ARHGAP32: variants seen among roughly 807,000 people sequenced by gnomAD.
ARHGAP32 encodes rho GTPase-activating protein 32.
A neutral mutation model predicts 186.5 loss-of-function variants in ARHGAP32; 51 were observed. The ratio of observed to expected loss-of-function variants is 0.27; its 90% CI spans 0.22 to 0.35. ARHGAP32 has a LOEUF of 0.35. Among genes scored for constraint, ARHGAP32 ranks in the 10% least tolerant of loss-of-function variants. The pLI is 1.00. For synonymous variants in ARHGAP32, 950 were observed against 964.3 expected, an observed-to-expected ratio of 0.99 and a Z score of 0.27; for missense variants, 2,186 against 2,623.5, an observed-to-expected ratio of 0.83 and a Z score of 3.64.
At chr11:129,017,374 G>C (rs1166399602) in intron 11 of ARHGAP32, among the ~76,000 whole-genome samples, 7 of 150,778 alleles carry the variant, frequency 4.6e-5, no homozygotes, top group African/African-American at 1.2e-4. Flanking sequence ...TTTGAACCTG[G>C]AGGCGGAGGC....
chr11:129,108,356 G>C (rs1356504310), intron 5 of ARHGAP32, among the ~76,000 whole-genome samples: 2 of 152,106 alleles, frequency 1.3e-5, no homozygotes, highest in African/African-American at 4.8e-5. Flanking sequence ...AGCTATACTA[G>C]TATCAGACAA....
At position 128,969,041 on chromosome 11, in the gene ARHGAP32, C is replaced by T. The variant is rs112106627; in HGVS notation, c.6172G>A (p.Gly2058Ser). 2.0e-3 allele frequency: 3,225 copies of T among 1,612,246 alleles called. 8 individuals carry two copies. Among genetic ancestry groups the T allele is most frequent in the Non-Finnish European group, 2.6e-3 (3,015 of 1,178,766 alleles). The stretch of plus-strand genomic sequence containing the variant: ...CCAGGGGGCACATACGTCCCCATGC[C>T]GCCCCCTCCAAAGACTCCTCGCTGG... ...QHQRGVFGGGGMGTYVPPGFP... is the reference protein window; with the variant it reads ...QHQRGVFGGGSMGTYVPPGFP... Residue 2058 changes from glycine to serine, a missense_variant, in exon 23 of 23, where the codon GGC becomes AGC. By Grantham distance (56) the Gly-to-Ser change is moderately conservative (BLOSUM62 0). Around this residue, in one of 5 missense-constraint regions of ARHGAP32, gnomAD observed 1,502 missense variants for 1,570.0 expected, o/e 0.96. Transcript: ENST00000682385. The surrounding 1 kb of genome is among the most constrained non-coding windows in gnomAD (Gnocchi z 4.8).
chr11:129,048,776 C>T (rs1939918567), intron 10 of ARHGAP32, among the ~76,000 whole-genome samples: 1 of 151,994 alleles, frequency 6.6e-6, no homozygotes, highest in Non-Finnish European at 1.5e-5. Flanking sequence ...TCAAATAAGA[C>T]AAACTAGATT....
intron 1 of ARHGAP32, among the ~76,000 whole-genome samples, chr11:129,231,005 G>C (rs1036941287): frequency 6.6e-6 from 1 of 151,960 alleles, no homozygotes; most frequent in African/African-American, 2.4e-5. Context: ...CATGGTGGTG[G>C]GTGCCTGTAA....
In ARHGAP32 at chr11:128,975,014, G is replaced by C; in HGVS notation, c.2195-12C>G. 6.3e-7 allele frequency: 1 copy of C among 1,588,284 alleles called. No homozygotes were observed. Among genetic ancestry groups the C allele is most frequent in the Non-Finnish European group, 8.6e-7 (1 of 1,168,220 alleles). Reference sequence around the variant, plus strand: ...GAGCTTAGAATCACCTGGAAAAAATGAATAACAGTGTCAAAGTAAGAACAT... The same window carrying C: ...GAGCTTAGAATCACCTGGAAAAAATCAATAACAGTGTCAAAGTAAGAACAT... On this transcript the variant is annotated splice_polypyrimidine_tract_variant and intron_variant, in intron 20 of 22. Coordinates refer to ENST00000682385, the MANE Select transcript of ARHGAP32 (RefSeq NM_001378024.1).
chr11:129,068,758 C>T (rs1940779112), intron 6 of ARHGAP32, among the ~76,000 whole-genome samples: 1 of 151,934 alleles, frequency 6.6e-6, no homozygotes, highest in Non-Finnish European at 1.5e-5. Context: ...TATGTATTGA[C>T]TTCTAGAAGA....
intron 6 of ARHGAP32, among the ~76,000 whole-genome samples, chr11:129,091,397 T>A (rs1183180566): frequency 1.3e-5 from 2 of 152,042 alleles, no homozygotes; most frequent in East Asian, 3.9e-4. Flanking sequence ...ATAAAAACTT[T>A]TAAGGGCAGG....
intron 6 of ARHGAP32, among the ~76,000 whole-genome samples, chr11:129,075,102 G>T (rs1940996103): frequency 6.6e-6 from 1 of 151,958 alleles, no homozygotes; most frequent in Non-Finnish European, 1.5e-5. Flanking sequence ...ACAAAAATAG[G>T]AACGAAGAAC....
intron 10 of ARHGAP32, among the ~76,000 whole-genome samples, chr11:129,043,922 A>G (rs1939704809): frequency 6.6e-6 from 1 of 152,170 alleles, no homozygotes; most frequent in African/African-American, 2.4e-5. Flanking sequence ...TGAAATTAAC[A>G]TATCAGTTTT....
At chr11:129,246,619 G>A (rs188769300) in intron 1 of ARHGAP32, among the ~76,000 whole-genome samples, 7 of 152,194 alleles carry the variant, frequency 4.6e-5, no homozygotes, top group South Asian at 4.2e-4. Context: ...TAACCTTTAC[G>A]CGACAATCAG....
chr11:128,979,466 C>T lies in ARHGAP32; in HGVS notation c.1977-551G>A, dbSNP rs544580468. On this transcript the variant is annotated intron_variant, in intron 18 of 22. Coordinates refer to ENST00000682385, the MANE Select transcript of ARHGAP32 (RefSeq NM_001378024.1). ...TTATGACACTAAGAAGTTCAAATAA[C>T]TTCTTTAACATTATAAAACTATTAA... Among the ~76,000 whole-genome samples, 8 of 152,312 alleles carry T rather than the reference C, an allele frequency of 5.3e-5. No individual in the cohort carries two copies. In the South Asian group the frequency reaches 1.7e-3, roughly 32 times the overall value.
At chr11:128,992,855 T>C (rs979268117) in intron 12 of ARHGAP32, among the ~76,000 whole-genome samples, 1 of 152,164 alleles carries the variant, frequency 6.6e-6, no homozygotes. Context: ...TCAAAAAAAG[T>C]ACTATGTGGG....
At chr11:128,987,794 G>A (rs1945919981) in intron 13 of ARHGAP32, among the ~76,000 whole-genome samples, 1 of 151,966 alleles carries the variant, frequency 6.6e-6, no homozygotes, top group Non-Finnish European at 1.5e-5. Flanking sequence ...ACACTATAAA[G>A]AGGCAAAATA....
At chr11:129,160,410 G>C (rs762064898) in intron 2 of ARHGAP32, among the ~76,000 whole-genome samples, 15 of 152,104 alleles carry the variant, frequency 9.9e-5, no homozygotes, top group Non-Finnish European at 2.2e-4. Context: ...AAAGTCTCAG[G>C]ATACAAAATT....
chr11:129,158,347 T>G (rs940208728), intron 2 of ARHGAP32, among the ~76,000 whole-genome samples: 1 of 138,306 alleles, frequency 7.2e-6, no homozygotes, highest in Non-Finnish European at 1.5e-5. Flanking sequence ...CATGCGCACA[T>G]AGGCTCAAAA....
chr11:129,122,714 T>C (rs1338492306), intron 5 of ARHGAP32, among the ~76,000 whole-genome samples: 5 of 152,102 alleles, frequency 3.3e-5, no homozygotes. Context: ...AAATCAGTCA[T>C]GTCTCAGGAG....
chr11:129,206,492 C>T (rs192821007), intron 1 of ARHGAP32, among the ~76,000 whole-genome samples: 8 of 152,202 alleles, frequency 5.3e-5, no homozygotes, highest in Admixed American at 1.3e-4. Context: ...GGATTACAGA[C>T]GAGGGCTGCC....
Position 129,148,201 on chromosome 11 carries a change from G to A in ARHGAP32, c.225+16118C>T, listed in dbSNP as rs557166494. ...TTGCTCCAAGAACCACCAAAGAAATGTATCAGGAAAATCAAAAGAATTCAA... is the reference window on the plus strand; with the variant it reads ...TTGCTCCAAGAACCACCAAAGAAATATATCAGGAAAATCAAAAGAATTCAA... On this transcript the variant is annotated intron_variant, in intron 2 of 22. Transcript: ENST00000682385. Among the ~76,000 whole-genome samples, 9 of 152,238 alleles carry A rather than the reference G, an allele frequency of 5.9e-5. No individual in the cohort carries two copies. In the East Asian group the frequency reaches 1.7e-3, roughly 29 times the overall value.
At chr11:129,029,794 T>C in intron 11 of ARHGAP32, among the ~76,000 whole-genome samples, 1 of 75,530 alleles carries the variant, frequency 1.3e-5, no homozygotes, top group African/African-American at 6.1e-5. Context: ...AGAGGGAGAC[T>C]CCGTCTCAAA....
Sources: gnomAD v4.1 joint callset for allele counts (sites outside exome capture counted in the v4.1 genomes callset) on GRCh38, gnomAD v4.1.1 for gene constraint, gnomAD v4.1.1 regional missense constraint, Gnocchi (gnomAD v3.1) non-coding constraint, MANE v1.5 for transcripts, NCBI Gene and HGNC (gene_info 2026-07-23, HGNC 2026-07-21) for gene names.